HBS1L: variants seen among roughly 807,000 people sequenced by gnomAD.
HBS1L encodes the protein HBS1-like protein.
HBS1L carries 55 observed loss-of-function variants against 88.9 expected under a neutral mutation model. The observed-to-expected ratio is 0.62, with a 90% CI of 0.50 to 0.77. The LOEUF (loss-of-function observed/expected upper bound fraction) is 0.77, where lower values mean the gene tolerates loss of function less well. Among genes scored for constraint, HBS1L ranks in the 30% least tolerant of loss-of-function variants. HBS1L has a pLI of 0.00. For synonymous variants in HBS1L, 267 were observed against 288.5 expected (o/e 0.93, Z 0.76); for missense variants, 741 against 829.3 (o/e 0.89, Z 1.31).
intron 4 of HBS1L, 25 bp downstream of exon 4, chr6:135,039,548 T>A (rs768392470): frequency 2.5e-6 from 4 of 1,591,114 alleles, no homozygotes; most frequent in Non-Finnish European, 3.4e-6. Context: ...GTAAAACAAG[T>A]GAAAAAGAAC....
intron 5 of HBS1L, 138 bp downstream of exon 5, chr6:135,002,596 T>A (rs1775492564): frequency 1.7e-6 from 1 of 586,012 alleles, no homozygotes; most frequent in Non-Finnish European, 3.1e-6. Flanking sequence ...TTGTACTATG[T>A]TATACTGAGG....
intron 13 of HBS1L, among the ~76,000 whole-genome samples, chr6:134,981,802 T>C (rs1774838711): frequency 6.6e-6 from 1 of 151,892 alleles, no homozygotes; most frequent in African/African-American, 2.4e-5. Flanking sequence ...ACATGTAACA[T>C]ATAACATGTA....
intron 1 of HBS1L, among the ~76,000 whole-genome samples, chr6:135,051,571 C>T (rs1777085101): frequency 6.6e-6 from 1 of 152,148 alleles, no homozygotes; most frequent in Admixed American, 6.5e-5. Context: ...CACAAGTCTT[C>T]CCTGACCACT....
At chr6:135,034,981 A>T (rs1395702254) in intron 4 of HBS1L, among the ~76,000 whole-genome samples, 2 of 152,208 alleles carry the variant, frequency 1.3e-5, no homozygotes, top group African/African-American at 4.8e-5. Context: ...GTTCTGAAGT[A>T]ATTCCTCCAG....
intron 4 of HBS1L, among the ~76,000 whole-genome samples, chr6:135,017,789 T>C (rs1298749495): frequency 1.3e-5 from 2 of 152,020 alleles, no homozygotes; most frequent in East Asian, 3.8e-4. Flanking sequence ...TTTATTACAT[T>C]AATATATTAC....
intron 7 of HBS1L, among the ~76,000 whole-genome samples, chr6:134,994,246 G>A (rs1159899025): frequency 2.6e-5 from 4 of 151,838 alleles, no homozygotes; most frequent in Admixed American, 6.6e-5. Flanking sequence ...ACGACCGAGA[G>A]GTAATTTTCT....
At chr6:135,017,034 TAAA>T (rs1775940964) in intron 4 of HBS1L, among the ~76,000 whole-genome samples, 1 of 152,284 alleles carries the variant, frequency 6.6e-6, no homozygotes, top group South Asian at 2.1e-4. Context: ...ATTTTACAGA[TAAA>T]GAAGTCAGGC....
In HBS1L at chr6:134,961,070, G is replaced by T. The variant is rs1774175004; in HGVS notation, c.*4209C>A. On this transcript the variant is annotated 3_prime_UTR_variant, in exon 18 of 18. Coordinates refer to ENST00000367837, the MANE Select transcript of HBS1L (RefSeq NM_006620.4). The stretch of plus-strand genomic sequence containing the variant: ...TCTTGTTTCCTTTCCATCTTTTGCT[G>T]TACAGACTTAGTTTCTTTGCTTTTT... 7.8e-6 allele frequency: 1 copy of T among 128,666 alleles called. No homozygotes were observed. Among genetic ancestry groups the T allele is most frequent in the Non-Finnish European group, 1.7e-5 (1 of 59,990 alleles). 8.0% of individuals were successfully genotyped at this position (128,666 alleles called of 1,614,324 possible). A position where few individuals can be genotyped will look rare whatever the true frequency, so the allele number is the denominator to read the frequency against.
At chr6:134,985,436 A>G (rs1352084149) in intron 11 of HBS1L, 27 bp from the exon 12 acceptor site, 26 of 1,479,270 alleles carry the variant, frequency 1.8e-5, no homozygotes, top group Non-Finnish European at 2.4e-5. Flanking sequence ...GCAAAAGGCA[A>G]GGTTTAATTT....
At chr6:135,007,109 G>A (rs1393734130) in intron 4 of HBS1L, among the ~76,000 whole-genome samples, 1 of 152,136 alleles carries the variant, frequency 6.6e-6, no homozygotes, top group Non-Finnish European at 1.5e-5. Context: ...TGGCATAAAA[G>A]GTCTCTAAGC....
At chr6:134,982,588 G>C (rs765803919) in intron 12 of HBS1L, 26 bp from the exon 13 acceptor site, 1 of 1,317,174 alleles carries the variant, frequency 7.6e-7, no homozygotes, top group Non-Finnish European at 1.1e-6. Flanking sequence ...AAATCTTATG[G>C]TTCATACAGC....
At chr6:135,019,032 G>C (rs923119738) in intron 4 of HBS1L, among the ~76,000 whole-genome samples, 1 of 151,844 alleles carries the variant, frequency 6.6e-6, no homozygotes, top group African/African-American at 2.4e-5. Flanking sequence ...AATCTAAATT[G>C]AGTAAGTACC....
At chr6:135,025,771 G>A (rs1205885701) in intron 4 of HBS1L, among the ~76,000 whole-genome samples, 1 of 152,124 alleles carries the variant, frequency 6.6e-6, no homozygotes, top group East Asian at 1.9e-4. Context: ...AAAAAGACAG[G>A]GTTTTTGAAG....
intron 2 of HBS1L, among the ~76,000 whole-genome samples, chr6:135,046,431 T>G (rs1776914361): frequency 6.6e-6 from 1 of 152,180 alleles, no homozygotes. Flanking sequence ...TCTAATCATA[T>G]TAGCTGAAAC....
intron 4 of HBS1L, chr6:135,035,770 AAAAAAAAAAAAAAAAAAAAAGCAGC>A (rs1339529555): frequency 2.5e-5 from 3 of 121,314 alleles, no homozygotes; most frequent in African/African-American, 9.5e-5. Flanking sequence ...AAAAAAAAAA[AAAAAAAAAAAAAAAAAAAAAGCAGC>A]AGCAGCAGCA....
chr6:135,001,176 A>G (rs1453786566), intron 5 of HBS1L, among the ~76,000 whole-genome samples: 1 of 152,188 alleles, frequency 6.6e-6, no homozygotes, highest in Non-Finnish European at 1.5e-5. Context: ...ATAAATATTT[A>G]ATAACTATTC....
Position 135,002,832 on chromosome 6 carries a change from T to A in HBS1L, c.441A>T (p.Val147=). The change falls in exon 5 of 18, where the codon GTA becomes GTT. Residue 147 remains valine (V), a synonymous_variant. Coordinates refer to ENST00000367837, the MANE Select transcript of HBS1L (RefSeq NM_006620.4). ...STGKIAKGKP[V]DSQTSRSESE... is the part of the protein sequence containing the mutation. ...ATTCACTTCGCGATGTCTGGGAATC[T>A]ACTGGTTTTCCTAGTTAAGGAGTAA... The A allele has an allele frequency of 6.2e-7, 1 of 1,611,394 alleles. No homozygotes were observed. The highest frequency in any genetic ancestry group is 8.5e-7 in the Non-Finnish European group (1 of 1,177,880).
At chr6:135,022,038 A>T (rs1776086000) in intron 4 of HBS1L, among the ~76,000 whole-genome samples, 1 of 152,136 alleles carries the variant, frequency 6.6e-6, no homozygotes, top group African/African-American at 2.4e-5. Context: ...CTAGCCCCTT[A>T]CGAGCTACTC....
intron 13 of HBS1L, 42 bp from the exon 14 acceptor site, chr6:134,979,310 G>A (rs367634577): frequency 1.4e-5 from 19 of 1,403,272 alleles, no homozygotes; most frequent in Admixed American, 1.2e-4. Flanking sequence ...GAAACACCTC[G>A]ATATCAAACC....
Sources: gnomAD v4.1 joint callset for allele counts (sites outside exome capture counted in the v4.1 genomes callset) on GRCh38, gnomAD v4.1.1 for gene constraint, MANE v1.5 for transcripts, NCBI Gene and HGNC (gene_info 2026-07-23, HGNC 2026-07-21) for gene names.